The following FANCA variants were observed in gnomAD, a reference collection of about 807,000 sequenced individuals.
The protein encoded by FANCA is Fanconi anemia group A protein.
Under a neutral mutation model 194.3 loss-of-function variants are expected in FANCA, and 236 were observed. That is an observed-to-expected ratio of 1.21 (90% CI 1.09 to 1.35). The LOEUF (loss-of-function observed/expected upper bound fraction) is 1.35, where lower values mean the gene tolerates loss of function less well. FANCA is among the 40% of genes most tolerant of loss of function. FANCA has a pLI of 0.00. For missense variants in FANCA, 2,628 were observed against 1,813.9 expected (o/e 1.45, Z -8.15); for synonymous variants, 1,014 against 715.8 (o/e 1.42, Z -6.65).
Position 89,805,280 on chromosome 16 carries a change from C to A in FANCA, c.709G>T (p.Asp237Tyr). ...AACCCGCATCTTGTCATGAACGCAC[C>A]AGAAAGCATGGCCCTGGCGACGTCA... ...HADVARAMLS[D>Y]FVQMFVLRGF... is the part of the protein sequence containing the mutation. The change falls in exon 7 of 43, where the codon GAT (aspartate) becomes TAT (tyrosine). Residue 237 changes from aspartate (D) to tyrosine (Y), a missense_variant and splice_region_variant. Coordinates refer to ENST00000389301, the MANE Select transcript of FANCA (RefSeq NM_000135.4). 1 of 1,612,514 alleles carries A rather than the reference C, an allele frequency of 6.2e-7. No individual in the cohort carries two copies. Among genetic ancestry groups the A allele is most frequent in the Non-Finnish European group, 8.5e-7 (1 of 1,178,748 alleles).
rs1060501880 is a variant in FANCA, at chr16:89,764,919, G to T, written c.2749C>A (p.Arg917=). 1.9e-6 allele frequency: 3 copies of T among 1,614,150 alleles called. No homozygotes were observed. Among genetic ancestry groups the T allele is most frequent in the East Asian group, 4.5e-5 (2 of 44,880 alleles). ...ALSLWTHRTF[R]EVLKEEDVHL... Reference sequence around the variant, plus strand: ...ACATCTTCCTCTTTCAACACCTCTCGGAAGGTTCTGTGTGTCCAGAGAGAG... The same window carrying T: ...ACATCTTCCTCTTTCAACACCTCTCTGAAGGTTCTGTGTGTCCAGAGAGAG... The change falls in exon 28 of 43, where the codon CGA becomes AGA. Residue 917 remains arginine (R), a synonymous_variant. Coordinates refer to ENST00000389301, the MANE Select transcript of FANCA (RefSeq NM_000135.4).
chr16:89,771,858 G>C, intron 22 of FANCA, 44 bp from the exon 23 acceptor site: 9 of 1,611,706 alleles, frequency 5.6e-6, no homozygotes, highest in Non-Finnish European at 7.6e-6. Context: ...AACCCCGAAA[G>C]GAGGGATACA....
At chr16:89,793,639 C>A (rs2040151314) in intron 11 of FANCA, among the ~76,000 whole-genome samples, 2 of 152,172 alleles carry the variant, frequency 1.3e-5, no homozygotes, top group African/African-American at 4.8e-5. Flanking sequence ...ATCACCCAGG[C>A]TGGAGTGCAG....
rs1037480390 is a variant in FANCA at position 89,764,381 on chromosome 16, T to G, written c.2778+509A>C. 3.3e-5 allele frequency among the ~76,000 whole-genome samples: 5 copies of G among 152,306 alleles called. No homozygotes were observed. The South Asian group carries it at 1.0e-3, about 32-fold the overall frequency. On this transcript the variant is annotated intron_variant, in intron 28 of 42. Transcript: ENST00000389301. ...ATAGAGTGGCGTGATCTTGGCTCAC[T>G]GCAACCTCCACCTCCTGGGCTCAAG... is the stretch of plus-strand genomic sequence containing the variant.
intron 37 of FANCA, among the ~76,000 whole-genome samples, chr16:89,742,461 AC>A (rs2062157047): frequency 6.6e-6 from 1 of 152,032 alleles, no homozygotes. Flanking sequence ...ACTACATACA[AC>A]CATTTAAAAA....
intron 10 of FANCA, chr16:89,798,447 G>A (rs2040321889): frequency 1.8e-6 from 2 of 1,089,450 alleles, no homozygotes; most frequent in Non-Finnish European, 1.1e-6. Context: ...TTACTGTGAG[G>A]GATGGGAAAT....
chr16:89,793,805 C>T (rs1264822121), intron 11 of FANCA, among the ~76,000 whole-genome samples: 4 of 152,130 alleles, frequency 2.6e-5, no homozygotes, highest in Non-Finnish European at 5.9e-5. Flanking sequence ...GGCTGGAGTG[C>T]AGTGGTACAA....
chr16:89,810,432 C>A, intron 5 of FANCA: 1 of 392,666 alleles, frequency 2.5e-6, no homozygotes, highest in Non-Finnish European at 4.7e-6. Flanking sequence ...CTGGAAAATT[C>A]TCCATACTAA....
At chr16:89,773,556 C>T (rs568886636) in intron 21 of FANCA, among the ~76,000 whole-genome samples, 172 bp from the exon 22 acceptor site, 8 of 152,210 alleles carry the variant, frequency 5.3e-5, no homozygotes, top group African/African-American at 1.7e-4. Flanking sequence ...TTCCCTGATG[C>T]TGGATGCCAC....
chr16:89,799,685 T>A, intron 8 of FANCA, 47 bp from the exon 9 acceptor site: 2 of 1,464,816 alleles, frequency 1.4e-6, no homozygotes, highest in Non-Finnish European at 9.6e-7. Flanking sequence ...CTTCTGTAAT[T>A]TGTGTGATAC....
intron 2 of FANCA, among the ~76,000 whole-genome samples, chr16:89,815,410 C>A (rs2041069951): frequency 8.2e-6 from 1 of 121,526 alleles, no homozygotes; most frequent in Non-Finnish European, 1.6e-5. Context: ...TTGCAAGGGG[C>A]GTGATCTCGG....
chr16:89,761,952 T>TC lies in FANCA; in HGVS notation c.2848dup (p.Glu950GlyfsTer12). The TC allele has an allele frequency of 6.2e-7, 1 of 1,613,684 alleles. No individual in the cohort carries two copies. On this transcript the variant is annotated frameshift_variant, in exon 29 of 43. Transcript: ENST00000389301. LOFTEE classifies it high-confidence loss of function. ...GGTAGCTCTTTTCAACACTTACCGT[T>TC]CAGTATCTGAAAGAGCATCAGCTTC...
chr16:89,770,956 G>C (rs914943889), intron 23 of FANCA, among the ~76,000 whole-genome samples: 5 of 152,010 alleles, frequency 3.3e-5, no homozygotes, highest in Admixed American at 3.3e-4. Flanking sequence ...ATTCTAAAGA[G>C]GCAGTCGAGC....
intron 11 of FANCA, among the ~76,000 whole-genome samples, chr16:89,793,346 G>A (rs953858989): frequency 2.0e-5 from 3 of 152,126 alleles, no homozygotes; most frequent in African/African-American, 7.2e-5. Flanking sequence ...CTTGTCTTAT[G>A]GTCACTTCTC....
rs779657463 is a variant in FANCA at position 89,770,150 on chromosome 16, T to A, written c.2316+16A>T. The stretch of plus-strand genomic sequence containing the variant: ...AGTGGGCCCCCAAGGGTGGCCCCCA[T>A]GAAGGAGAGCCTCACCTGGTGACGG... On this transcript the variant is annotated intron_variant, in intron 25 of 42. Transcript: ENST00000389301. 1.3e-6 allele frequency: 2 copies of A among 1,579,048 alleles called. No homozygotes were observed. The highest frequency in any genetic ancestry group is 1.2e-5 in the South Asian group (1 of 86,610).
chr16:89,791,773 G>A (rs567887647), intron 13 of FANCA, 154 bp downstream of exon 13: 8 of 1,074,356 alleles, frequency 7.4e-6, no homozygotes, highest in Admixed American at 5.9e-5. Flanking sequence ...GGAAGCGTCT[G>A]ACAAAGAATG....
intron 29 of FANCA, among the ~76,000 whole-genome samples, chr16:89,761,053 G>C (rs925851393): frequency 2.0e-5 from 3 of 152,124 alleles, no homozygotes; most frequent in Admixed American, 6.6e-5. Flanking sequence ...CCTGCTTCTA[G>C]AACACTCTAG....
At chr16:89,754,543 G>C (rs1182453859) in intron 30 of FANCA, among the ~76,000 whole-genome samples, 1 of 151,962 alleles carries the variant, frequency 6.6e-6, no homozygotes, top group Non-Finnish European at 1.5e-5. Flanking sequence ...GCTAATTTTT[G>C]TATTTTTAGT....
At chr16:89,748,086 A>AT (rs1368611080) in intron 33 of FANCA, among the ~76,000 whole-genome samples, 11 of 151,936 alleles carry the variant, frequency 7.2e-5, no homozygotes, top group Non-Finnish European at 1.3e-4. Flanking sequence ...TAATTTTTCT[A>AT]TTTTTTGTAG....
Sources: allele counts gnomAD v4.1 joint callset (sites outside exome capture counted in the v4.1 genomes callset), GRCh38; gene constraint gnomAD v4.1.1; transcripts MANE v1.5; gene names NCBI Gene and HGNC (gene_info 2026-07-23, HGNC 2026-07-21).